Variants in STMN4 observed in about 807,000 individuals in gnomAD.
The protein encoded by STMN4 is stathmin-4.
In STMN4, 12 loss-of-function variants were observed where a neutral mutation model predicts 29.1. The ratio of observed to expected loss-of-function variants is 0.41; its 90% CI spans 0.26 to 0.67. STMN4 has a LOEUF of 0.67. Among genes scored for constraint, STMN4 ranks in the 30% least tolerant of loss-of-function variants. The pLI is 0.30. For missense variants in STMN4, 181 were observed against 262.8 expected (o/e 0.69, Z 2.15); for synonymous variants, 114 against 105.3 (o/e 1.08, Z -0.51).
intron 3 of STMN4, chr8:27,242,118 A>T (rs1238693824): frequency 1.8e-6 from 1 of 559,190 alleles, no homozygotes; most frequent in Non-Finnish European, 3.2e-6. Flanking sequence ...ACCTTTGCAT[A>T]CCCCCCAGTC....
intron 6 of STMN4, chr8:27,239,167 G>C: frequency 6.6e-7 from 1 of 1,513,332 alleles, no homozygotes; most frequent in Middle Eastern, 1.7e-4. Flanking sequence ...AGGACCTGTT[G>C]CCAAGGGCCT....
At chr8:27,245,026 G>A (rs1801586832) in intron 1 of STMN4, among the ~76,000 whole-genome samples, 1 of 152,180 alleles carries the variant, frequency 6.6e-6, no homozygotes. Flanking sequence ...TTCTGTGCTG[G>A]CTGGAGACTG....
chr8:27,254,523 G>A lies in STMN4; in HGVS notation c.-79+3828C>T, dbSNP rs138722926. Among the ~76,000 whole-genome samples the A allele has an allele frequency of 8.5e-5, 13 of 152,284 alleles. No homozygotes were observed. The East Asian group carries it at 2.1e-3, about 25-fold the overall frequency. ...AGCAGGACCCTAGGGGAGTGGACAC[G>A]CAGCTCTCAGTTTTAATTGATGGAA... On this transcript the variant is annotated intron_variant, in intron 1 of 6. Coordinates refer to ENST00000350889, the MANE Select transcript of STMN4 (RefSeq NM_030795.4).
At chr8:27,247,068 A>C (rs1468732374) in intron 1 of STMN4, among the ~76,000 whole-genome samples, 2 of 152,064 alleles carry the variant, frequency 1.3e-5, no homozygotes, top group African/African-American at 4.8e-5. Flanking sequence ...CAGCCTGGCC[A>C]ACATGGTGAA....
At chr8:27,247,512 C>G (rs991556719) in intron 1 of STMN4, among the ~76,000 whole-genome samples, 1 of 152,226 alleles carries the variant, frequency 6.6e-6, no homozygotes, top group Non-Finnish European at 1.5e-5. Flanking sequence ...CCTGTGGCAT[C>G]TGCGCCCAGT....
intron 2 of STMN4, among the ~76,000 whole-genome samples, chr8:27,242,831 A>G (rs770185616): frequency 6.6e-6 from 1 of 152,004 alleles, no homozygotes; most frequent in Non-Finnish European, 1.5e-5. Context: ...ATCCCCCAAC[A>G]TCTGCCCCAG....
chr8:27,254,899 A>ATG (rs1801898046), intron 1 of STMN4, among the ~76,000 whole-genome samples: 1 of 137,010 alleles, frequency 7.3e-6, no homozygotes, highest in African/African-American at 2.8e-5. Flanking sequence ...GAGCATTCAC[A>ATG]TGTGTGTGTA....
At chr8:27,241,869 C>G in intron 3 of STMN4, 112 bp from the exon 4 acceptor site, 1 of 1,300,142 alleles carries the variant, frequency 7.7e-7, no homozygotes, top group East Asian at 2.3e-5. Flanking sequence ...ACCTGGTCCC[C>G]GAGCACCCCT....
At chr8:27,240,932 G>T (rs972804280) in intron 5 of STMN4, 122 bp downstream of exon 5, 1 of 964,460 alleles carries the variant, frequency 1.0e-6, no homozygotes, top group Non-Finnish European at 1.5e-6. Context: ...ACACTCGGGA[G>T]ATGCTCCCTA....
At position 27,236,653 on chromosome 8, in the gene STMN4, C is replaced by T. The variant is rs1039855382; in HGVS notation, c.*193G>A. On this transcript the variant is annotated 3_prime_UTR_variant, in exon 7 of 7. Transcript: ENST00000350889. ...CCTCTCCCACCCCGTCATTGTTCCC[C>T]GGAAACAAATAGGATGGCTTCACTG... The T allele has an allele frequency of 4.9e-5, 23 of 464,692 alleles. No individual in the cohort carries two copies. Among genetic ancestry groups the T allele is most frequent in the Admixed American group, 8.5e-5 (2 of 23,420 alleles). The allele number at this position is 464,692 out of a possible 1,614,324, so 28.8% of individuals were successfully genotyped here. A position where few individuals can be genotyped will look rare whatever the true frequency, so the allele number is the denominator to read the frequency against.
intron 1 of STMN4, 75 bp from the exon 2 acceptor site, chr8:27,243,876 A>G: frequency 7.4e-7 from 1 of 1,342,954 alleles, no homozygotes; most frequent in African/African-American, 1.4e-5. Flanking sequence ...GTCTTTATAC[A>G]CTGGGGAGGG....
At chr8:27,244,646 T>C (rs1471846087) in intron 1 of STMN4, among the ~76,000 whole-genome samples, 1 of 151,458 alleles carries the variant, frequency 6.6e-6, no homozygotes, top group African/African-American at 2.4e-5. Context: ...AGGAGGGCAT[T>C]GTGCAAGGGA....
intron 3 of STMN4, 52 bp downstream of exon 3, chr8:27,242,345 C>T (rs1329997591): frequency 3.2e-6 from 5 of 1,575,176 alleles, no homozygotes; most frequent in Non-Finnish European, 4.4e-6. Context: ...CCTATGAGGA[C>T]AGGACACAGG....
In STMN4 at chr8:27,253,205, T is replaced by C. The variant is rs540785962; in HGVS notation, c.-79+5146A>G. On this transcript the variant is annotated intron_variant, in intron 1 of 6. Transcript: ENST00000350889. ...AACAGAGCCAAGCTTCTGGCCCACA[T>C]TGAACTACGCTGAAAGAAATTCCTT... 2.6e-5 allele frequency among the ~76,000 whole-genome samples: 4 copies of C among 152,372 alleles called. No individual in the cohort carries two copies. In the East Asian group the frequency reaches 5.8e-4, roughly 22 times the overall value.
Position 27,239,758 on chromosome 8 carries a change from C to G in STMN4, c.591+213G>C. On this transcript the variant is annotated intron_variant, in intron 6 of 6. Transcript: ENST00000350889. ...TTAATTGTGTAACTGTGCAGAATAT[C>G]CCCCAAGGAAACCCTGAGTCTGGTT... is the stretch of plus-strand genomic sequence containing the variant. The G allele has an allele frequency of 4.6e-6, 7 of 1,505,630 alleles. No homozygotes were observed. In the South Asian group the frequency reaches 7.7e-5, roughly 16 times the overall value. The allele number at this position is 1,505,630 out of a possible 1,614,324, so 93.3% of individuals were successfully genotyped here.
intron 1 of STMN4, among the ~76,000 whole-genome samples, chr8:27,249,647 G>C (rs1359075645): frequency 6.6e-6 from 1 of 152,184 alleles, no homozygotes; most frequent in Non-Finnish European, 1.5e-5. Context: ...ATGGTCACCA[G>C]AGCAGCTCTG....
chr8:27,245,839 AATG>A (rs759542629), intron 1 of STMN4, among the ~76,000 whole-genome samples: 1 of 152,204 alleles, frequency 6.6e-6, no homozygotes, highest in Non-Finnish European at 1.5e-5. Context: ...CCGAGCTAGA[AATG>A]ATGATAGGAC....
chr8:27,241,832 T>TG lies in STMN4; in HGVS notation c.110-76dup, dbSNP rs555045971. ...TGCCAGACCAAACCAAACCCATCTCTGCTTCTAACCAGGACATTAGGAGGT... is the reference window on the plus strand; with the variant it reads ...TGCCAGACCAAACCAAACCCATCTCTGGCTTCTAACCAGGACATTAGGAGGT... On this transcript the variant is annotated intron_variant, in intron 3 of 6. Coordinates refer to ENST00000350889, the MANE Select transcript of STMN4 (RefSeq NM_030795.4). 4,817 of 1,566,278 alleles carry TG rather than the reference T, an allele frequency of 3.1e-3. 14 individuals carry two copies. Among genetic ancestry groups the TG allele is most frequent in the Non-Finnish European group, 4.1e-3 (4,623 of 1,136,670 alleles).
At chr8:27,240,256 A>C in intron 5 of STMN4, 94 bp from the exon 6 acceptor site, 1 of 1,381,780 alleles carries the variant, frequency 7.2e-7, no homozygotes, top group Admixed American at 2.3e-5. Context: ...CACTCAGAAC[A>C]CTCACCTCCC....
Sources: allele counts gnomAD v4.1 joint callset (sites outside exome capture counted in the v4.1 genomes callset), GRCh38; gene constraint gnomAD v4.1.1; transcripts MANE v1.5; gene names NCBI Gene and HGNC (gene_info 2026-07-23, HGNC 2026-07-21).